Variants in NAT1 observed in about 807,000 individuals in gnomAD.
NAT1 encodes arylamine N-acetyltransferase 1.
For synonymous variants in NAT1, 144 were observed against 122.6 expected, an observed-to-expected ratio of 1.17 and a Z score of -1.16; for missense variants, 400 against 339.2, an observed-to-expected ratio of 1.18 and a Z score of -1.41.
intron 1 of NAT1, among the ~76,000 whole-genome samples, chr8:18,217,462 G>C (rs1262273617): frequency 2.0e-5 from 3 of 152,214 alleles, no homozygotes; most frequent in Admixed American, 6.5e-5. Flanking sequence ...CAAAGGAGAA[G>C]GTCATCCACA....
rs116200766 is a variant in NAT1, at chr8:18,203,881, T to C, written n.93-5900T>C. On this transcript the variant is annotated intron_variant and non_coding_transcript_variant, in intron 2 of 4. Coordinates refer to the NAT1 transcript ENST00000517441. ...GCTGGGAGCTTGCACAGGTGAATGC[T>C]GGCAGGAAATATGGGCTAGACACGT... Among the ~76,000 whole-genome samples, 1,306 of 152,256 alleles carry C rather than the reference T, an allele frequency of 8.6e-3. 16 individuals are homozygous for C. Among genetic ancestry groups the C allele is most frequent in the African/African-American group, 0.029 (1,225 of 41,554 alleles).
intron 2 of NAT1, among the ~76,000 whole-genome samples, chr8:18,192,205 A>C (rs549739188): frequency 6.6e-6 from 1 of 152,298 alleles, no homozygotes; most frequent in South Asian, 2.1e-4. Flanking sequence ...TTCTCAAAAG[A>C]AGACATTTAT....
intron 2 of NAT1, among the ~76,000 whole-genome samples, chr8:18,221,077 T>A (rs1206709566): frequency 1.3e-5 from 2 of 152,198 alleles, no homozygotes; most frequent in Admixed American, 1.3e-4. Flanking sequence ...AAAATGCCAG[T>A]CTTAGCTCCA....
chr8:18,218,641 A>G (rs1804946643), intron 1 of NAT1, among the ~76,000 whole-genome samples: 1 of 152,180 alleles, frequency 6.6e-6, no homozygotes, highest in Non-Finnish European at 1.5e-5. Flanking sequence ...TTTGTTTGTC[A>G]TGGTGAAGTT....
chr8:18,212,997 CG>C (rs1804254845), intron 1 of NAT1, among the ~76,000 whole-genome samples: 2 of 151,662 alleles, frequency 1.3e-5, no homozygotes, highest in South Asian at 4.2e-4. Flanking sequence ...CTCCACCTCC[CG>C]GGTTCAAGTG....
chr8:18,205,636 T>C (rs1803682008), upstream of NAT1, among the ~76,000 whole-genome samples: 2 of 152,156 alleles, frequency 1.3e-5, no homozygotes, highest in Non-Finnish European at 2.9e-5. Flanking sequence ...TGCTGGTGGA[T>C]CAAGGAAAGC....
At chr8:18,192,424 C>G (rs186471286) in intron 2 of NAT1, among the ~76,000 whole-genome samples, 153 of 152,318 alleles carry the variant, frequency 1.0e-3, no homozygotes, top group Admixed American at 2.2e-3. Context: ...TTGTGGAAGT[C>G]AGTGTGGCGA....
At chr8:18,202,233 C>G (rs1265268202) in intron 2 of NAT1, among the ~76,000 whole-genome samples, 3 of 152,120 alleles carry the variant, frequency 2.0e-5, no homozygotes, top group Non-Finnish European at 4.4e-5. Context: ...GGTTTTAAAC[C>G]TAAGTTCTGT....
intron 2 of NAT1, among the ~76,000 whole-genome samples, chr8:18,171,302 G>A (rs1021387321): frequency 1.3e-5 from 2 of 152,128 alleles, no homozygotes; most frequent in Non-Finnish European, 2.9e-5. Context: ...ACAGAGATCA[G>A]AACCACCCCC....
At chr8:18,213,548 C>G (rs549028197) in intron 1 of NAT1, among the ~76,000 whole-genome samples, 5 of 152,122 alleles carry the variant, frequency 3.3e-5, no homozygotes, top group Non-Finnish European at 7.3e-5. Context: ...ACTTTTCACT[C>G]TAACCAACCA....
In NAT1 at chr8:18,222,785, TAAGG is replaced by T. The variant is rs1805479777; in HGVS notation, c.740_743del (p.Lys247ThrfsTer5). ...CCCTCACCCATAGGAGATTCAATTA[TAAGG>T]ACAATACAGATCTAATAGAGTTCAA... On this transcript the variant is annotated frameshift_variant, in exon 3 of 3. Coordinates refer to ENST00000307719, the MANE Select transcript of NAT1 (RefSeq NM_000662.8). LOFTEE classifies it low-confidence loss of function (END_TRUNC). The T allele has an allele frequency of 6.2e-7, 1 of 1,613,398 alleles. No homozygotes were observed. Among genetic ancestry groups the T allele is most frequent in the Non-Finnish European group, 8.5e-7 (1 of 1,179,850 alleles).
intron 1 of NAT1, among the ~76,000 whole-genome samples, chr8:18,214,950 G>A (rs191043306): frequency 3.9e-5 from 6 of 152,282 alleles, no homozygotes; most frequent in African/African-American, 7.2e-5. Flanking sequence ...TTCATTTCCT[G>A]CTCCTATGTT....
At chr8:18,202,975 C>A (rs958241529) in intron 2 of NAT1, among the ~76,000 whole-genome samples, 3 of 152,154 alleles carry the variant, frequency 2.0e-5, no homozygotes, top group Admixed American at 2.0e-4. Context: ...TTACAGAGTA[C>A]TGATTGGTGC....
chr8:18,218,579 CAATT>C (rs1051417434), intron 1 of NAT1, among the ~76,000 whole-genome samples: 1 of 152,172 alleles, frequency 6.6e-6, no homozygotes, highest in Admixed American at 6.5e-5. Flanking sequence ...GTGTCTGTGA[CAATT>C]AAGGCAGTTG....
chr8:18,215,893 C>T (rs1279103515), intron 1 of NAT1, among the ~76,000 whole-genome samples: 1 of 151,970 alleles, frequency 6.6e-6, no homozygotes, highest in African/African-American at 2.4e-5. Flanking sequence ...GATTTATTTG[C>T]CAAAGTTAAG....
At chr8:18,215,296 G>A (rs750948712) in intron 1 of NAT1, among the ~76,000 whole-genome samples, 48 of 152,106 alleles carry the variant, frequency 3.2e-4, no homozygotes, top group African/African-American at 1.0e-3. Context: ...TCTCCACTTC[G>A]GAAGCACCAA....
intron 1 of NAT1, chr8:18,212,569 C>T (rs1369488365): frequency 6.6e-6 from 1 of 152,222 alleles, no homozygotes; most frequent in Non-Finnish European, 1.5e-5. Flanking sequence ...GCTTTCCAGA[C>T]CTCCTACTAA....
chr8:18,200,680 A>G (rs1396434247), intron 2 of NAT1, among the ~76,000 whole-genome samples: 1 of 152,194 alleles, frequency 6.6e-6, no homozygotes, highest in Non-Finnish European at 1.5e-5. Flanking sequence ...CACCCAAAAC[A>G]TAAAAGTTAA....
At chr8:18,190,721 A>G (rs529058102) in intron 2 of NAT1, among the ~76,000 whole-genome samples, 60 of 152,280 alleles carry the variant, frequency 3.9e-4, no homozygotes, top group Non-Finnish European at 7.4e-4. Context: ...TGGCCCTGAC[A>G]TCCAGTTGTC....
Sources: allele counts gnomAD v4.1 joint callset (sites outside exome capture counted in the v4.1 genomes callset), GRCh38; gene constraint gnomAD v4.1.1; transcripts MANE v1.5; gene names NCBI Gene and HGNC (gene_info 2026-07-23, HGNC 2026-07-21).